The following C8orf34 variants were observed in gnomAD, a reference collection of about 807,000 sequenced individuals.
C8orf34 encodes uncharacterized protein C8orf34.
C8orf34 carries 65 observed loss-of-function variants against 68.3 expected under a neutral mutation model. The ratio of observed to expected loss-of-function variants is 0.95; its 90% confidence interval spans 0.78 to 1.17. C8orf34 has a LOEUF of 1.17. Among genes scored for constraint, C8orf34 ranks in the 50% most tolerant of loss-of-function variants. The pLI is 0.00. For synonymous variants in C8orf34, 244 were observed against 241.2 expected (o/e 1.01, Z -0.11); for missense variants, 664 against 655.4 (o/e 1.01, Z -0.14).
rs143643724 is a variant in C8orf34 at position 68,738,290 on chromosome 8, C to T, written c.1404+16853C>T. 5.7e-3 allele frequency among the ~76,000 whole-genome samples: 870 copies of T among 152,172 alleles called. 8 individuals carry two copies. The highest frequency in any genetic ancestry group is 0.02 in the African/African-American group (824 of 41,542). ...AAAATGTTCCAGAATTTCTGGGACACAGCTAAGGCAGTGTTAAGAGGGAAA... is the reference window on the plus strand; with the variant it reads ...AAAATGTTCCAGAATTTCTGGGACATAGCTAAGGCAGTGTTAAGAGGGAAA... On this transcript the variant is annotated intron_variant, in intron 10 of 13. Coordinates refer to ENST00000518698, the MANE Select transcript of C8orf34 (RefSeq NM_052958.4).
At chr8:68,516,532 G>A (rs145909939) in intron 5 of C8orf34, among the ~76,000 whole-genome samples, 1 of 152,236 alleles carries the variant, frequency 6.6e-6, no homozygotes, top group African/African-American at 2.4e-5. Context: ...CTAGGACAAG[G>A]TAACTACTTC....
At chr8:68,701,430 A>C (rs1821013163) in intron 8 of C8orf34, among the ~76,000 whole-genome samples, 1 of 152,084 alleles carries the variant, frequency 6.6e-6, no homozygotes. Context: ...AATTCCACTT[A>C]ATCCCTACCA....
At chr8:68,505,994 C>T (rs1441403803) in intron 5 of C8orf34, among the ~76,000 whole-genome samples, 1 of 152,112 alleles carries the variant, frequency 6.6e-6, no homozygotes, top group Admixed American at 6.5e-5. Flanking sequence ...AATAACTCAT[C>T]AGTGAAACCA....
chr8:68,346,285 GA>G, intron 1 of C8orf34, among the ~76,000 whole-genome samples: 2 of 87,494 alleles, frequency 2.3e-5, no homozygotes, highest in African/African-American at 1.4e-4. Flanking sequence ...TTTTTTTTTA[GA>G]AAGATCATAT....
At chr8:68,682,096 T>A (rs1820386391) in intron 8 of C8orf34, among the ~76,000 whole-genome samples, 3 of 152,112 alleles carry the variant, frequency 2.0e-5, no homozygotes, top group Non-Finnish European at 2.9e-5. Context: ...AGGATTTAGC[T>A]TTCAACAGCA....
At chr8:68,421,304 A>C (rs1809959730) in intron 1 of C8orf34, among the ~76,000 whole-genome samples, 1 of 152,226 alleles carries the variant, frequency 6.6e-6, no homozygotes, top group Non-Finnish European at 1.5e-5. Context: ...CTATGTGATG[A>C]ATTTCCTGAA....
At chr8:68,468,907 A>G (rs1812262704) in intron 4 of C8orf34, 87 bp downstream of exon 4, 4 of 1,402,148 alleles carry the variant, frequency 2.9e-6, no homozygotes, top group Non-Finnish European at 3.9e-6. Flanking sequence ...ACCCATTTCT[A>G]ACATCCTCAT....
intron 6 of C8orf34, among the ~76,000 whole-genome samples, chr8:68,528,360 C>G (rs1466017958): frequency 6.6e-6 from 1 of 152,196 alleles, no homozygotes. Context: ...TTTATTGCCT[C>G]TGACACTCAG....
chr8:68,692,420 C>G (rs1820710783), intron 8 of C8orf34, among the ~76,000 whole-genome samples: 1 of 151,976 alleles, frequency 6.6e-6, no homozygotes, highest in African/African-American at 2.4e-5. Context: ...AAAACAGTCA[C>G]AGTCATTTAT....
At chr8:68,383,589 A>G (rs1481893586) in intron 1 of C8orf34, among the ~76,000 whole-genome samples, 1 of 152,224 alleles carries the variant, frequency 6.6e-6, no homozygotes, top group South Asian at 2.1e-4. Flanking sequence ...ATCTGCATCT[A>G]CAGTGTAAGA....
intron 8 of C8orf34, among the ~76,000 whole-genome samples, chr8:68,642,775 G>A (rs181884764): frequency 4.9e-4 from 74 of 152,274 alleles, no homozygotes; most frequent in African/African-American, 1.5e-3. Flanking sequence ...GTCTTCAACC[G>A]TTTTGGCACC....
chr8:68,409,033 C>A (rs183126944), intron 1 of C8orf34, among the ~76,000 whole-genome samples: 1 of 152,022 alleles, frequency 6.6e-6, no homozygotes, highest in East Asian at 1.9e-4. Flanking sequence ...ATGATACACC[C>A]GCCTTGGCCT....
chr8:68,530,661 T>C, intron 6 of C8orf34: 1 of 1,164,182 alleles, frequency 8.6e-7, no homozygotes, highest in South Asian at 1.6e-5. Context: ...CTAAATAAAC[T>C]TCTTCCTTCC....
chr8:68,768,523 C>T (rs1426610775), intron 10 of C8orf34, among the ~76,000 whole-genome samples: 2 of 152,132 alleles, frequency 1.3e-5, no homozygotes, highest in South Asian at 4.1e-4. Flanking sequence ...ATCTTTATCT[C>T]CTCTTTTTTC....
chr8:68,529,107 G>A (rs1415213193), intron 6 of C8orf34, among the ~76,000 whole-genome samples: 12 of 152,278 alleles, frequency 7.9e-5, no homozygotes, highest in Middle Eastern at 3.4e-3. Flanking sequence ...AAAAAGTGAA[G>A]CCTCCCTGGC....
chr8:68,467,556 A>G (rs1173210414), intron 3 of C8orf34, among the ~76,000 whole-genome samples: 1 of 151,924 alleles, frequency 6.6e-6, no homozygotes, highest in East Asian at 1.9e-4. Context: ...ACTGTCTTTC[A>G]CTATCTTCCC....
In C8orf34 at chr8:68,818,417, G is replaced by C; in HGVS notation, c.*171G>C. On this transcript the variant is annotated 3_prime_UTR_variant, in exon 14 of 14. Coordinates refer to ENST00000518698, the MANE Select transcript of C8orf34 (RefSeq NM_052958.4). ...CAGGGGGTGCCCAAGTATGTAATCA[G>C]AGAACACTAATCCTGGCAAAGGATT... The C allele has an allele frequency of 2.9e-6, 2 of 690,408 alleles. No individual in the cohort carries two copies. The highest frequency in any genetic ancestry group is 4.9e-6 in the Non-Finnish European group (2 of 408,552). 42.8% of individuals were successfully genotyped at this position (690,408 alleles called of 1,614,324 possible).
intron 1 of C8orf34, among the ~76,000 whole-genome samples, chr8:68,382,078 C>T (rs1261650602): frequency 1.3e-5 from 2 of 152,152 alleles, no homozygotes; most frequent in African/African-American, 4.8e-5. Context: ...TAGTGGTTTT[C>T]CATTCATGAT....
chr8:68,408,750 G>A (rs1809312985), intron 1 of C8orf34, among the ~76,000 whole-genome samples: 1 of 152,110 alleles, frequency 6.6e-6, no homozygotes, highest in Non-Finnish European at 1.5e-5. Flanking sequence ...ATGCTGGTGT[G>A]AACAAACCTA....
Sources: gnomAD v4.1 joint callset for allele counts (sites outside exome capture counted in the v4.1 genomes callset) on GRCh38, gnomAD v4.1.1 for gene constraint, MANE v1.5 for transcripts, NCBI Gene and HGNC (gene_info 2026-07-23, HGNC 2026-07-21) for gene names.